The following GABRB3 variants were observed in gnomAD, a reference collection of about 807,000 sequenced individuals.
GABRB3 encodes the protein gamma-aminobutyric acid type A receptor subunit beta3, also known as gamma-aminobutyric acid receptor subunit beta-3.
In GABRB3, 14 loss-of-function variants were observed where a neutral mutation model predicts 52.1. That is an observed-to-expected ratio of 0.27 (90% CI 0.18 to 0.42). The LOEUF (loss-of-function observed/expected upper bound fraction) is 0.42. Ranked by LOEUF, GABRB3 falls within the 10% of genes least tolerant of loss-of-function variation. The pLI, the probability that GABRB3 is intolerant of heterozygous loss-of-function variation, is 1.00. For missense variants in GABRB3, 307 were observed against 609.1 expected (o/e 0.50, Z 5.22); for synonymous variants, 260 against 232.3 (o/e 1.12, Z -1.08).
intron 3 of GABRB3, among the ~76,000 whole-genome samples, chr15:26,647,673 G>A (rs147028161): frequency 3.4e-4 from 51 of 151,874 alleles, no homozygotes; most frequent in African/African-American, 1.1e-3. Flanking sequence ...AAAAAAGACC[G>A]TTTGGAATGC....
chr15:26,606,508 A>T (rs990799355), intron 4 of GABRB3, among the ~76,000 whole-genome samples: 68 of 152,234 alleles, frequency 4.5e-4, no homozygotes, highest in Admixed American at 3.2e-3. Flanking sequence ...ATACTCCAAC[A>T]CAATAAAGCT....
At chr15:26,661,550 A>G (rs1226364779) in intron 3 of GABRB3, among the ~76,000 whole-genome samples, 1 of 152,184 alleles carries the variant, frequency 6.6e-6, no homozygotes, top group African/African-American at 2.4e-5. Flanking sequence ...GTGCTTGGGG[A>G]ACGCAGACAA....
chr15:26,771,548 G>C (rs1040349017), intron 3 of GABRB3, among the ~76,000 whole-genome samples: 4 of 152,212 alleles, frequency 2.6e-5, no homozygotes, highest in African/African-American at 7.2e-5. Flanking sequence ...AACTAAACTA[G>C]TTTTCAAATC....
chr15:26,574,202 C>T (rs1441962248), intron 6 of GABRB3, among the ~76,000 whole-genome samples: 1 of 152,136 alleles, frequency 6.6e-6, no homozygotes, highest in East Asian at 1.9e-4. Context: ...AAATGCATGT[C>T]AAGACCACAA....
At chr15:26,742,512 C>T (rs953863108) in intron 3 of GABRB3, among the ~76,000 whole-genome samples, 13 of 152,222 alleles carry the variant, frequency 8.5e-5, no homozygotes, top group Admixed American at 2.0e-4. Context: ...ATATTTCATA[C>T]GTGGCATGAG....
intron 4 of GABRB3, chr15:26,612,761 TA>T (rs1892117824): frequency 6.6e-6 from 1 of 152,218 alleles, no homozygotes; most frequent in Non-Finnish European, 1.5e-5. Flanking sequence ...TAAATGATTC[TA>T]AAGTTAATGT....
intron 3 of GABRB3, among the ~76,000 whole-genome samples, chr15:26,689,419 C>T (rs868021565): frequency 6.6e-6 from 1 of 152,062 alleles, no homozygotes; most frequent in African/African-American, 2.4e-5. Flanking sequence ...ACAGACACTT[C>T]CAGGAAGGGG....
intron 3 of GABRB3, among the ~76,000 whole-genome samples, chr15:26,702,122 C>T (rs920645836): frequency 6.6e-6 from 1 of 152,048 alleles, no homozygotes; most frequent in Admixed American, 6.6e-5. Context: ...AAATGTAAAA[C>T]CTAAAACTAT....
At chr15:26,773,301 C>G (rs1444544359), upstream of GABRB3, among the ~76,000 whole-genome samples, 1 of 150,494 alleles carries the variant, frequency 6.6e-6, no homozygotes. Context: ...GCACGGGACT[C>G]GGACCTCTGG....
chr15:26,615,854 G>T (rs1892233900), intron 4 of GABRB3: 7 of 1,228,488 alleles, frequency 5.7e-6, no homozygotes, highest in Non-Finnish European at 7.3e-6. Flanking sequence ...CAGTCTGAAG[G>T]TCTCAGTGAT....
At chr15:26,747,436 T>G (rs1890377721) in intron 3 of GABRB3, among the ~76,000 whole-genome samples, 1 of 152,242 alleles carries the variant, frequency 6.6e-6, no homozygotes, top group African/African-American at 2.4e-5. Flanking sequence ...GTTTCTACAC[T>G]TGTTTTATTA....
intron 3 of GABRB3, chr15:26,625,321 C>T: frequency 3.5e-6 from 1 of 285,586 alleles, no homozygotes; most frequent in Non-Finnish European, 5.3e-6. Context: ...CCTCCTTCCA[C>T]ACCCAACCCA....
At chr15:26,700,787 G>C (rs1888904278) in intron 3 of GABRB3, among the ~76,000 whole-genome samples, 1 of 152,210 alleles carries the variant, frequency 6.6e-6, no homozygotes, top group South Asian at 2.1e-4. Flanking sequence ...CAGGTACAGT[G>C]GCTCACGCCT....
At chr15:26,549,295 G>A (rs1307899179) in intron 8 of GABRB3, among the ~76,000 whole-genome samples, 3 of 152,158 alleles carry the variant, frequency 2.0e-5, no homozygotes, top group Non-Finnish European at 2.9e-5. Context: ...CTGAGAAGGC[G>A]CCGGGCCTGT....
intron 3 of GABRB3, among the ~76,000 whole-genome samples, chr15:26,713,933 T>C (rs992159858): frequency 2.4e-4 from 36 of 152,154 alleles, no homozygotes; most frequent in African/African-American, 7.0e-4. Flanking sequence ...AACGGCCACA[T>C]GTTGTGAGTG....
intron 3 of GABRB3, among the ~76,000 whole-genome samples, chr15:26,640,187 G>A (rs1893162457): frequency 6.6e-6 from 1 of 152,152 alleles, no homozygotes; most frequent in Non-Finnish European, 1.5e-5. Context: ...GCCACTGAAT[G>A]CAAACTTTCC....
intron 3 of GABRB3, among the ~76,000 whole-genome samples, chr15:26,752,543 A>G (rs1319775335): frequency 6.6e-6 from 1 of 152,086 alleles, no homozygotes; most frequent in Non-Finnish European, 1.5e-5. Context: ...GATTACAGGC[A>G]TGAGCCACCG....
Position 26,567,580 on chromosome 15 carries a change from C to T in GABRB3, c.835+1G>A. The T allele has an allele frequency of 6.2e-7, 1 of 1,613,418 alleles. No homozygotes were observed. Among genetic ancestry groups the T allele is most frequent in the Non-Finnish European group, 8.5e-7 (1 of 1,179,934 alleles). On this transcript the variant is annotated splice_donor_variant, in intron 7 of 8. Coordinates refer to ENST00000311550, the MANE Select transcript of GABRB3 (RefSeq NM_000814.6). LOFTEE classifies it high-confidence loss of function. ...AAATATCACTTAAAAATAGCACATACCGAGGGCAACTCTAGCAGCAGATGC... is the reference window on the plus strand; with the variant it reads ...AAATATCACTTAAAAATAGCACATATCGAGGGCAACTCTAGCAGCAGATGC...
intron 3 of GABRB3, among the ~76,000 whole-genome samples, chr15:26,746,951 C>T (rs1277310927): frequency 6.6e-6 from 1 of 152,166 alleles, no homozygotes; most frequent in Non-Finnish European, 1.5e-5. Flanking sequence ...CGCACTACTG[C>T]ACTCCAGCCT....
Sources: allele counts gnomAD v4.1 joint callset (sites outside exome capture counted in the v4.1 genomes callset), GRCh38; gene constraint gnomAD v4.1.1; transcripts MANE v1.5; gene names NCBI Gene and HGNC (gene_info 2026-07-23, HGNC 2026-07-21).